HIBADH: variants seen among roughly 807,000 people sequenced by gnomAD.
The protein encoded by HIBADH is 3-hydroxyisobutyrate dehydrogenase, also known as 3-hydroxyisobutyrate dehydrogenase, mitochondrial.
A neutral mutation model predicts 36.1 loss-of-function variants in HIBADH; 25 were observed. The observed-to-expected ratio is 0.69, with a 90% confidence interval of 0.50 to 0.97. HIBADH has a LOEUF of 0.97. Ranked by LOEUF, HIBADH falls within the 50% of genes least tolerant of loss-of-function variation. The pLI is 0.00. For missense variants in HIBADH, 421 were observed against 418.0 expected (o/e 1.01, Z -0.06); for synonymous variants, 160 against 149.5 (o/e 1.07, Z -0.51).
chr7:27,629,958 GAATA>G (rs4000635), intron 3 of HIBADH, among the ~76,000 whole-genome samples: 107,987 of 149,946 alleles, frequency 0.72, 38,602 homozygotes, highest in East Asian at 0.94. Flanking sequence ...CCACAATGAA[GAATA>G]AACATAAGCA....
At chr7:27,527,053 G>C (rs1362607546) in intron 7 of HIBADH, among the ~76,000 whole-genome samples, 9 of 57,570 alleles carry the variant, frequency 1.6e-4, no homozygotes, top group Admixed American at 1.4e-3. Flanking sequence ...ATCCATCCTG[G>C]CAGACAATGT....
chr7:27,577,440 G>A (rs919415804), intron 4 of HIBADH, among the ~76,000 whole-genome samples: 43 of 152,038 alleles, frequency 2.8e-4, no homozygotes, highest in East Asian at 9.7e-4. Flanking sequence ...TGGGATTACC[G>A]GCATGAGCCA....
intron 4 of HIBADH, among the ~76,000 whole-genome samples, chr7:27,557,648 T>G (rs1784412379): frequency 6.6e-6 from 1 of 152,164 alleles, no homozygotes; most frequent in African/African-American, 2.4e-5. Context: ...AGGAACATTG[T>G]GTCTTCACAT....
chr7:27,576,821 G>C (rs536079934), intron 4 of HIBADH, among the ~76,000 whole-genome samples: 7 of 152,012 alleles, frequency 4.6e-5, no homozygotes, highest in African/African-American at 1.7e-4. Flanking sequence ...TGGGTGTTTG[G>C]GGTATTTTAT....
intron 4 of HIBADH, among the ~76,000 whole-genome samples, chr7:27,553,313 CGATA>C (rs1562619120): frequency 6.6e-6 from 1 of 152,140 alleles, no homozygotes; most frequent in Non-Finnish European, 1.5e-5. Flanking sequence ...GAGAAGCGGT[CGATA>C]GATCCTTAAA....
At chr7:27,604,628 T>C (rs918071849) in intron 4 of HIBADH, among the ~76,000 whole-genome samples, 4 of 152,130 alleles carry the variant, frequency 2.6e-5, no homozygotes, top group African/African-American at 9.6e-5. Context: ...AAGCAGACTG[T>C]TGCATCAAGT....
At chr7:27,593,449 T>C (rs888092257) in intron 4 of HIBADH, among the ~76,000 whole-genome samples, 3 of 152,132 alleles carry the variant, frequency 2.0e-5, no homozygotes, top group South Asian at 2.1e-4. Context: ...TGACTCATAC[T>C]AGAAACATAA....
chr7:27,662,684 C>A lies in HIBADH; in HGVS notation c.91+14G>T. The A allele has an allele frequency of 7.7e-7, 1 of 1,304,586 alleles. No homozygotes were observed. Among genetic ancestry groups the A allele is most frequent in the South Asian group, 2.2e-5 (1 of 46,504 alleles). The allele number at this position is 1,304,586 out of a possible 1,614,324, so 80.8% of individuals were successfully genotyped here. A position where few individuals can be genotyped will look rare whatever the true frequency, so the allele number is the denominator to read the frequency against. On this transcript the variant is annotated intron_variant, in intron 1 of 7. Coordinates refer to ENST00000265395, the MANE Select transcript of HIBADH (RefSeq NM_152740.4). ...CGAAAGAAGGACAAGGGGGAGGAGG[C>A]GTGAGGTCCTTACCCGCTGCAAAGC... is the stretch of plus-strand genomic sequence containing the variant.
chr7:27,632,573 A>C, intron 2 of HIBADH, 128 bp from the exon 3 acceptor site: 1 of 478,074 alleles, frequency 2.1e-6, no homozygotes, highest in Admixed American at 3.7e-5. Flanking sequence ...CCTTGTTTGC[A>C]AATGACCAAA....
chr7:27,539,157 T>C (rs1784110614), intron 5 of HIBADH, among the ~76,000 whole-genome samples: 2 of 152,230 alleles, frequency 1.3e-5, no homozygotes, highest in Admixed American at 1.3e-4. Context: ...GGAAGCACTA[T>C]GATGATACAA....
intron 4 of HIBADH, among the ~76,000 whole-genome samples, chr7:27,626,419 G>A (rs193100854): frequency 1.6e-4 from 25 of 152,160 alleles, no homozygotes; most frequent in South Asian, 6.2e-4. Context: ...CATTACTTTC[G>A]ATTTTTAAAA....
At chr7:27,576,700 A>G (rs959965604) in intron 4 of HIBADH, among the ~76,000 whole-genome samples, 24 of 152,326 alleles carry the variant, frequency 1.6e-4, no homozygotes, top group African/African-American at 5.1e-4. Flanking sequence ...TTAGCTCCTT[A>G]AAGTATATTC....
chr7:27,549,364 T>A (rs1428053019), intron 4 of HIBADH, among the ~76,000 whole-genome samples: 2 of 152,184 alleles, frequency 1.3e-5, no homozygotes, highest in Non-Finnish European at 2.9e-5. Flanking sequence ...CAAAATATGT[T>A]GTACATGCTA....
In HIBADH at chr7:27,660,459, A is replaced by C. The variant is rs371136055; in HGVS notation, c.91+2239T>G. On this transcript the variant is annotated intron_variant, in intron 1 of 7. Coordinates refer to ENST00000265395, the MANE Select transcript of HIBADH (RefSeq NM_152740.4). ...CGGGCGGATCACGAGGTCAAGTGAT[A>C]GAGACCATCCTGGCTAACATGGTGA... Among the ~76,000 whole-genome samples, 8 of 152,330 alleles carry C rather than the reference A, an allele frequency of 5.3e-5. 1 individual carries two copies. In the South Asian group the frequency reaches 1.7e-3, roughly 32 times the overall value.
chr7:27,628,326 G>T (rs545751048), intron 4 of HIBADH, among the ~76,000 whole-genome samples: 1 of 151,894 alleles, frequency 6.6e-6, no homozygotes, highest in Non-Finnish European at 1.5e-5. Context: ...AAAAAAATAC[G>T]AAATGATTTA....
At chr7:27,527,853 T>C (rs4719899) in intron 7 of HIBADH, among the ~76,000 whole-genome samples, 105,984 of 140,610 alleles carry the variant, frequency 0.75, 40,443 homozygotes, top group East Asian at 0.94. Flanking sequence ...TGGGTTCAAG[T>C]GATTCTCCTC....
chr7:27,661,677 T>A (rs1472742660), intron 1 of HIBADH, among the ~76,000 whole-genome samples: 1 of 151,190 alleles, frequency 6.6e-6, no homozygotes, highest in Non-Finnish European at 1.5e-5. Flanking sequence ...TAGAAAAAAT[T>A]AATGCCAAGG....
chr7:27,597,963 G>A (rs1241684016), intron 4 of HIBADH, among the ~76,000 whole-genome samples: 1 of 152,166 alleles, frequency 6.6e-6, no homozygotes, highest in Non-Finnish European at 1.5e-5. Context: ...CATCTGCAGT[G>A]GGAATCACCC....
At chr7:27,653,769 T>G (rs1786244304) in intron 1 of HIBADH, among the ~76,000 whole-genome samples, 1 of 151,898 alleles carries the variant, frequency 6.6e-6, no homozygotes, top group African/African-American at 2.4e-5. Context: ...GACCAAGGTT[T>G]CAGTGATAGG....
Sources: gnomAD v4.1 joint callset for allele counts (sites outside exome capture counted in the v4.1 genomes callset) on GRCh38, gnomAD v4.1.1 for gene constraint, MANE v1.5 for transcripts, NCBI Gene and HGNC (gene_info 2026-07-23, HGNC 2026-07-21) for gene names.